The following TMEM117 variants were observed in gnomAD, a reference collection of about 807,000 sequenced individuals.
The protein encoded by TMEM117 is transmembrane protein 117.
TMEM117 carries 27 observed loss-of-function variants against 52.4 expected under a neutral mutation model. The ratio of observed to expected loss-of-function variants is 0.51; its 90% CI spans 0.38 to 0.71. The LOEUF (loss-of-function observed/expected upper bound fraction) is 0.71, where lower values mean the gene tolerates loss of function less well. Among genes scored for constraint, TMEM117 ranks in the 30% least tolerant of loss-of-function variants. The pLI is 0.00. For missense variants in TMEM117, 556 were observed against 630.5 expected, an observed-to-expected ratio of 0.88 and a Z score of 1.26; for synonymous variants, 215 against 206.3, an observed-to-expected ratio of 1.04 and a Z score of -0.36.
chr12:44,089,151 C>G (rs1445632328), intron 3 of TMEM117, among the ~76,000 whole-genome samples: 2 of 151,908 alleles, frequency 1.3e-5, no homozygotes, highest in Non-Finnish European at 2.9e-5. Context: ...GGGTAAGAAG[C>G]TATAAATAAC....
intron 3 of TMEM117, among the ~76,000 whole-genome samples, chr12:44,047,248 C>G (rs1338997859): frequency 1.3e-5 from 2 of 152,038 alleles, no homozygotes; most frequent in African/African-American, 4.8e-5. Context: ...ATTTTTTGCT[C>G]TCTGCATTCA....
chr12:44,268,690 A>G (rs1347654371), intron 5 of TMEM117, among the ~76,000 whole-genome samples: 1 of 152,108 alleles, frequency 6.6e-6, no homozygotes, highest in Non-Finnish European at 1.5e-5. Flanking sequence ...TTGTTGGCAA[A>G]CTAGTAGGTG....
intron 3 of TMEM117, among the ~76,000 whole-genome samples, chr12:44,101,888 G>T (rs1243188409): frequency 6.6e-6 from 1 of 151,928 alleles, no homozygotes; most frequent in African/African-American, 2.4e-5. Flanking sequence ...TAACTGTAAT[G>T]TCTGTATTAA....
chr12:44,358,873 C>A (rs1391855156), intron 6 of TMEM117, among the ~76,000 whole-genome samples: 1 of 152,022 alleles, frequency 6.6e-6, no homozygotes, highest in Non-Finnish European at 1.5e-5. Flanking sequence ...AGGAGTTAGT[C>A]CAACCCATCT....
chr12:44,399,047 G>T, the TMEM117 span, among the ~76,000 whole-genome samples: 1 of 151,970 alleles, frequency 6.6e-6, no homozygotes. Flanking sequence ...GCATCATTTT[G>T]TACTCTATAA....
At chr12:43,804,655 T>A in the TMEM117 span, 1 of 941,988 alleles carries the variant, frequency 1.1e-6, no homozygotes, top group Non-Finnish European at 1.6e-6. Flanking sequence ...TTAATTAGAA[T>A]ACAAAGAAAA....
chr12:44,273,767 C>T (rs1342302494), intron 5 of TMEM117, among the ~76,000 whole-genome samples: 2 of 152,004 alleles, frequency 1.3e-5, no homozygotes, highest in African/African-American at 4.8e-5. Flanking sequence ...ATTCAACATT[C>T]CTTTATGATA....
rs189833238 is a variant in TMEM117 at position 44,384,188 on chromosome 12, A to G, written c.899-3838A>G. Among the ~76,000 whole-genome samples, 140 of 152,308 alleles carry G rather than the reference A, an allele frequency of 9.2e-4. 1 individual carries two copies. Among genetic ancestry groups the G allele is most frequent in the African/African-American group, 3.2e-3 (135 of 41,570 alleles). ...AAAAATGGAAAGATGGATGACAGAG[A>G]AAGATGAACATCCTTCCTCTGTAAA... On this transcript the variant is annotated intron_variant, in intron 7 of 7. Coordinates refer to ENST00000266534, the MANE Select transcript of TMEM117 (RefSeq NM_032256.3).
chr12:44,262,426 A>T (rs1012084927), intron 5 of TMEM117, among the ~76,000 whole-genome samples: 1 of 152,240 alleles, frequency 6.6e-6, no homozygotes, highest in African/African-American at 2.4e-5. Flanking sequence ...CCAGTAAAAC[A>T]GAGAAGTCTG....
At chr12:44,018,094 T>C (rs1358750042) in intron 3 of TMEM117, among the ~76,000 whole-genome samples, 1 of 152,196 alleles carries the variant, frequency 6.6e-6, no homozygotes, top group African/African-American at 2.4e-5. Flanking sequence ...CTGCTGGGGT[T>C]CATTTCATGC....
intron 2 of TMEM117, among the ~76,000 whole-genome samples, chr12:43,940,205 G>A (rs1226364413): frequency 6.6e-6 from 1 of 152,122 alleles, no homozygotes; most frequent in Non-Finnish European, 1.5e-5. Context: ...GAACCCAGAA[G>A]CCCTCGGTCT....
Position 44,388,684 on chromosome 12 carries a change from G to C in TMEM117, c.*12G>C, listed in dbSNP as rs1489353773. 3.1e-6 allele frequency: 5 copies of C among 1,605,956 alleles called. No homozygotes were observed. Among genetic ancestry groups the C allele is most frequent in the Non-Finnish European group, 4.3e-6 (5 of 1,176,094 alleles). Reference sequence around the variant, plus strand: ...CACCTACGAACTAGACTCGGAGATAGACTTGGAGATAACACAAAAAGCAAC... The same window carrying C: ...CACCTACGAACTAGACTCGGAGATACACTTGGAGATAACACAAAAAGCAAC... On this transcript the variant is annotated 3_prime_UTR_variant, in exon 8 of 8. Transcript: ENST00000266534.
chr12:43,885,217 A>AT (rs1375393085), intron 2 of TMEM117, among the ~76,000 whole-genome samples: 1 of 152,100 alleles, frequency 6.6e-6, no homozygotes, highest in Non-Finnish European at 1.5e-5. Flanking sequence ...GGTGTGAACA[A>AT]TTCAGCTTTG....
chr12:44,254,902 T>G (rs971684057), intron 5 of TMEM117, among the ~76,000 whole-genome samples: 15 of 151,574 alleles, frequency 9.9e-5, no homozygotes, highest in Non-Finnish European at 2.1e-4. Flanking sequence ...AGTGAGAACA[T>G]GCGGTGTTTG....
chr12:43,837,880 C>T (rs1021402197), intron 1 of TMEM117, among the ~76,000 whole-genome samples: 1 of 151,936 alleles, frequency 6.6e-6, no homozygotes, highest in African/African-American at 2.4e-5. Flanking sequence ...AGGATAGGAA[C>T]AAGGGAAGAA....
intron 6 of TMEM117, among the ~76,000 whole-genome samples, chr12:44,346,984 G>A (rs1054958835): frequency 1.3e-5 from 2 of 151,862 alleles, no homozygotes; most frequent in African/African-American, 2.4e-5. Flanking sequence ...TTTTTTTCCT[G>A]ATAAGGACAT....
intron 3 of TMEM117, among the ~76,000 whole-genome samples, chr12:44,095,725 C>T (rs979649157): frequency 1.3e-5 from 2 of 152,036 alleles, no homozygotes; most frequent in African/African-American, 4.8e-5. Context: ...TCCAAATCTT[C>T]ACCAGTGGCC....
intron 3 of TMEM117, among the ~76,000 whole-genome samples, chr12:44,005,525 A>G (rs549246903): frequency 7.2e-5 from 11 of 152,348 alleles, no homozygotes; most frequent in Non-Finnish European, 1.2e-4. Flanking sequence ...TCTAGGCCAC[A>G]TGCCTTATTT....
chr12:44,207,006 A>G (rs896228840), intron 4 of TMEM117, among the ~76,000 whole-genome samples: 3 of 152,256 alleles, frequency 2.0e-5, no homozygotes, highest in Non-Finnish European at 2.9e-5. Flanking sequence ...GGACAATTAA[A>G]GCAAGAAGAA....
Sources: gnomAD v4.1 joint callset for allele counts (sites outside exome capture counted in the v4.1 genomes callset) on GRCh38, gnomAD v4.1.1 for gene constraint, MANE v1.5 for transcripts, NCBI Gene and HGNC (gene_info 2026-07-23, HGNC 2026-07-21) for gene names.